DCDC1: variants seen among roughly 807,000 people sequenced by gnomAD.
DCDC1 encodes doublecortin domain-containing protein 1.
A neutral mutation model predicts 178.3 loss-of-function variants in DCDC1; 200 were observed. The ratio of observed to expected loss-of-function variants is 1.12; its 90% confidence interval spans 1.00 to 1.26. DCDC1 has a LOEUF of 1.26. DCDC1 is among the 50% of genes most tolerant of loss of function. DCDC1 has a pLI of 0.00. For synonymous variants in DCDC1, 690 were observed against 604.8 expected (o/e 1.14, Z -2.07); for missense variants, 1,983 against 1,749.2 (o/e 1.13, Z -2.38).
At chr11:31,220,574 A>G (rs1004808052) in intron 9 of DCDC1, among the ~76,000 whole-genome samples, 1 of 152,234 alleles carries the variant, frequency 6.6e-6, no homozygotes, top group African/African-American at 2.4e-5. Context: ...TTTAAAAATC[A>G]GATGCATTAT....
At chr11:30,898,032 C>T (rs11031237) in intron 34 of DCDC1, among the ~76,000 whole-genome samples, 1 of 152,020 alleles carries the variant, frequency 6.6e-6, no homozygotes, top group African/African-American at 2.4e-5. Flanking sequence ...GTAGAGGGAA[C>T]TAAAATGTGC....
chr11:31,296,139 G>A (rs1227391827), intron 6 of DCDC1, among the ~76,000 whole-genome samples: 1 of 152,198 alleles, frequency 6.6e-6, no homozygotes, highest in Non-Finnish European at 1.5e-5. Context: ...CTGTCAGGCA[G>A]TCAACAAATA....
chr11:31,181,259 C>G (rs572590327), intron 9 of DCDC1, among the ~76,000 whole-genome samples: 4 of 152,262 alleles, frequency 2.6e-5, no homozygotes, highest in Non-Finnish European at 4.4e-5. Flanking sequence ...GGACAGAGCA[C>G]CTGGGGGAAG....
chr11:30,875,637 C>T (rs1431123647), intron 38 of DCDC1, among the ~76,000 whole-genome samples: 1 of 151,936 alleles, frequency 6.6e-6, no homozygotes, highest in Non-Finnish European at 1.5e-5. Flanking sequence ...CTCACAAATG[C>T]TTCAACAGCC....
chr11:31,122,162 A>C (rs114454303), intron 11 of DCDC1, among the ~76,000 whole-genome samples: 120 of 152,268 alleles, frequency 7.9e-4, no homozygotes, highest in African/African-American at 2.8e-3. Context: ...AAGATGGTAC[A>C]CTGCGGCCTT....
At chr11:31,250,421 C>CACAT (rs1555146241) in intron 8 of DCDC1, among the ~76,000 whole-genome samples, 9 of 52,954 alleles carry the variant, frequency 1.7e-4, no homozygotes, top group East Asian at 1.8e-3. Flanking sequence ...CACACATATA[C>CACAT]ATATATATGT....
At chr11:31,352,142 A>G (rs1453653755) in intron 1 of DCDC1, among the ~76,000 whole-genome samples, 1 of 152,128 alleles carries the variant, frequency 6.6e-6, no homozygotes, top group African/African-American at 2.4e-5. Flanking sequence ...AAAACTTTGT[A>G]AAGATCACCA....
At chr11:31,213,418 A>G (rs1006670944) in intron 9 of DCDC1, among the ~76,000 whole-genome samples, 1 of 151,980 alleles carries the variant, frequency 6.6e-6, no homozygotes, top group Admixed American at 6.6e-5. Flanking sequence ...TAACACAGGC[A>G]TTAAAAGTGG....
intron 7 of DCDC1, among the ~76,000 whole-genome samples, chr11:31,287,968 G>T (rs866906052): frequency 2.4e-4 from 36 of 148,956 alleles, no homozygotes; most frequent in African/African-American, 8.2e-4. Context: ...CTTCACCACT[G>T]TAATTTCCTG....
chr11:30,909,767 AAG>A (rs1402267737), intron 28 of DCDC1, among the ~76,000 whole-genome samples: 1 of 152,180 alleles, frequency 6.6e-6, no homozygotes, highest in African/African-American at 2.4e-5. Context: ...TTGATTATCA[AAG>A]AGGTTTATTT....
intron 20 of DCDC1, among the ~76,000 whole-genome samples, chr11:31,011,845 A>C (rs1413708940): frequency 6.6e-6 from 1 of 152,210 alleles, no homozygotes; most frequent in Non-Finnish European, 1.5e-5. Flanking sequence ...TTATGTGGTA[A>C]CTAAAAGATA....
chr11:31,118,756 G>A (rs769748338), intron 11 of DCDC1, among the ~76,000 whole-genome samples: 40 of 152,174 alleles, frequency 2.6e-4, no homozygotes, highest in Non-Finnish European at 7.4e-5. Flanking sequence ...GACTTTCCCC[G>A]CTGACTGCCC....
rs367924654 is a variant in DCDC1, at chr11:31,106,937, C to T, written c.1611G>A (p.Arg537=). Residue 537 remains arginine (R), a synonymous_variant, in exon 13 of 39, where the codon AGG becomes AGA. Transcript: ENST00000684477. ...MERLLLKIHQ[R]LQGSSINPPG... is the part of the protein sequence containing the mutation. ...GTGGGTTGATGGAAGAACCTTGAAG[C>T]CTTTGATGAATCTTGAGAAGTAACT... 8.8e-5 allele frequency: 67 copies of T among 765,520 alleles called. No homozygotes were observed. In the Middle Eastern group the frequency reaches 9.0e-4, roughly 10 times the overall value. The allele number at this position is 765,520 out of a possible 1,614,324, so 47.4% of individuals were successfully genotyped here. A position where few individuals can be genotyped will look rare whatever the true frequency, so the allele number is the denominator to read the frequency against.
intron 9 of DCDC1, among the ~76,000 whole-genome samples, chr11:31,145,643 A>T (rs1964355150): frequency 6.6e-6 from 1 of 152,214 alleles, no homozygotes; most frequent in Admixed American, 6.5e-5. Flanking sequence ...AATTTGAATG[A>T]GGAAAAGTAT....
chr11:30,909,496 G>C (rs913105807), intron 28 of DCDC1, among the ~76,000 whole-genome samples: 1 of 151,994 alleles, frequency 6.6e-6, no homozygotes, highest in Non-Finnish European at 1.5e-5. Context: ...TAAACAAATA[G>C]TGTAAATAAA....
At chr11:30,994,022 C>T (rs1004886302) in intron 20 of DCDC1, among the ~76,000 whole-genome samples, 5 of 152,090 alleles carry the variant, frequency 3.3e-5, no homozygotes, top group African/African-American at 7.2e-5. Context: ...ATCAATATTC[C>T]TCATGGACAT....
intron 3 of DCDC1, among the ~76,000 whole-genome samples, chr11:31,310,481 G>T (rs146790303): frequency 8.6e-5 from 13 of 151,848 alleles, no homozygotes; most frequent in Non-Finnish European, 1.8e-4. Context: ...ACCACGCCCA[G>T]CTGAATTTTT....
chr11:30,963,375 G>C (rs552441765), intron 20 of DCDC1, among the ~76,000 whole-genome samples: 1 of 152,198 alleles, frequency 6.6e-6, no homozygotes, highest in African/African-American at 2.4e-5. Flanking sequence ...GTCCATATCA[G>C]ACAGAAACAG....
chr11:31,106,444 G>A (rs182914725), intron 13 of DCDC1, among the ~76,000 whole-genome samples: 1 of 152,192 alleles, frequency 6.6e-6, no homozygotes, highest in East Asian at 1.9e-4. Context: ...AAGCAGGTCA[G>A]GGCAGTGTGC....
Sources: allele counts gnomAD v4.1 joint callset (sites outside exome capture counted in the v4.1 genomes callset), GRCh38; gene constraint gnomAD v4.1.1; transcripts MANE v1.5; gene names NCBI Gene and HGNC (gene_info 2026-07-23, HGNC 2026-07-21).